Variants in RIF1 observed in about 807,000 individuals in gnomAD.
The protein encoded by RIF1 is replication timing regulatory factor 1.
Under a neutral mutation model 247.1 loss-of-function variants are expected in RIF1, and 45 were observed. The observed-to-expected ratio is 0.18, with a 90% CI of 0.14 to 0.23. The LOEUF is 0.23. RIF1 is among the 10% of genes least tolerant of loss of function. The probability of loss-of-function intolerance (pLI) is 1.00; values close to 1 mark genes in which losing one functional copy is unlikely to be tolerated. For synonymous variants in RIF1, 1,087 were observed against 978.8 expected (o/e 1.11, Z -2.06); for missense variants, 2,967 against 2,862.5 (o/e 1.04, Z -0.83).
chr2:151,514,928 T>C, the RIF1 span: 1 of 1,543,194 alleles, frequency 6.5e-7, no homozygotes. Context: ...CTATATTCTT[T>C]CTAATGTAAG....
rs201122966 is a variant in RIF1, at chr2:151,464,732, A to G, written c.5212A>G (p.Lys1738Glu). 41 of 1,613,572 alleles carry G rather than the reference A, an allele frequency of 2.5e-5. No individual in the cohort carries two copies. Among genetic ancestry groups the G allele is most frequent in the Non-Finnish European group, 5.9e-6 (7 of 1,179,822 alleles). The change falls in exon 30 of 36, where the codon AAA (lysine) becomes GAA (glutamate). Residue 1738 changes from lysine (K) to glutamate (E), a missense_variant. Lys to Glu is a moderately conservative substitution (Grantham distance 56). Coordinates refer to ENST00000444746, the MANE Select transcript of RIF1 (RefSeq NM_018151.5). ...TAAAGGTTGTGATTGCTGTGGGGAA[A>G]AATCACAACCTCAGGAAAAGTCACT... The part of the protein sequence containing the change: ...RSKGCDCCGE[K>E]SQPQEKSLIG...
At position 151,464,560 on chromosome 2, in the gene RIF1, T is replaced by C. The variant is rs955537825; in HGVS notation, c.5040T>C (p.Ile1680=). ...PESNLRTRNA[I]KRLHKRDSFD... is the part of the protein sequence containing the mutation. ...CAAATCTAAGGACTAGAAATGCCAT[T>C]AAGAGATTACATAAGCGAGACTCTT... The change falls in exon 30 of 36, where the codon ATT becomes ATC. Residue 1680 remains isoleucine (I), a synonymous_variant. Coordinates refer to ENST00000444746, the MANE Select transcript of RIF1 (RefSeq NM_018151.5). 1 of 1,613,036 alleles carries C rather than the reference T, an allele frequency of 6.2e-7. No individual in the cohort carries two copies. The highest frequency in any genetic ancestry group is 1.3e-5 in the African/African-American group (1 of 74,984).
At chr2:151,531,316 T>C in the RIF1 span, among the ~76,000 whole-genome samples, 2 of 133,996 alleles carry the variant, frequency 1.5e-5, no homozygotes, top group Admixed American at 1.5e-4. Flanking sequence ...TTCTTTTTTT[T>C]TTTTTTTTTT....
intron 14 of RIF1, among the ~76,000 whole-genome samples, chr2:151,439,476 C>T (rs144287580): frequency 0.021 from 3,146 of 151,888 alleles, 109 homozygotes; most frequent in African/African-American, 0.072. Flanking sequence ...ACCCGTCTGA[C>T]CAACATGGAG....
chr2:151,415,114 G>A (rs1392648176), intron 4 of RIF1, among the ~76,000 whole-genome samples, 195 bp downstream of exon 4: 6 of 151,988 alleles, frequency 3.9e-5, no homozygotes, highest in African/African-American at 1.2e-4. Context: ...TTGGGAGGCC[G>A]AGGCGGGTGG....
At chr2:151,494,746 T>C (rs975641634) in intron 9 of RIF1, among the ~76,000 whole-genome samples, 1 of 152,210 alleles carries the variant, frequency 6.6e-6, no homozygotes, top group East Asian at 1.9e-4. Flanking sequence ...CCTCCCGGGT[T>C]CAAGTGATTC....
At chr2:151,451,066 G>A (rs1238495252) in intron 20 of RIF1, among the ~76,000 whole-genome samples, 2 of 152,166 alleles carry the variant, frequency 1.3e-5, no homozygotes, top group Non-Finnish European at 2.9e-5. Flanking sequence ...TTGAGGAAGA[G>A]AAAGTACAGT....
the RIF1 span, among the ~76,000 whole-genome samples, chr2:151,529,759 C>G: frequency 2.0e-5 from 3 of 152,120 alleles, no homozygotes; most frequent in Admixed American, 1.3e-4. Context: ...GAACTCGTGA[C>G]CTCAGGTGAT....
chr2:151,533,480 T>C, the RIF1 span: 1 of 1,551,506 alleles, frequency 6.4e-7, no homozygotes, highest in Non-Finnish European at 8.7e-7. Flanking sequence ...GCAGTCAACA[T>C]ATCTGGACGC....
intron 9 of RIF1, among the ~76,000 whole-genome samples, chr2:151,489,560 C>G (rs1198586268): frequency 6.6e-6 from 1 of 152,088 alleles, no homozygotes; most frequent in East Asian, 1.9e-4. Flanking sequence ...CCACACCTGG[C>G]TAATTTTTTG....
chr2:151,469,069 G>T (rs1045669852), intron 33 of RIF1, among the ~76,000 whole-genome samples: 2 of 152,068 alleles, frequency 1.3e-5, no homozygotes, highest in African/African-American at 4.8e-5. Context: ...AGTTTACAAA[G>T]ATTACCAGCA....
chr2:151,417,739 G>T, intron 6 of RIF1, among the ~76,000 whole-genome samples: 1 of 152,138 alleles, frequency 6.6e-6, no homozygotes, highest in Non-Finnish European at 1.5e-5. Context: ...TGCAAATACA[G>T]TCATGTGTCA....
chr2:151,489,972 CCAG>C (rs2054877375), intron 9 of RIF1: 1 of 1,581,024 alleles, frequency 6.3e-7, no homozygotes, highest in Non-Finnish European at 8.7e-7. Flanking sequence ...TTCACTTACT[CCAG>C]CAGTAGATGG....
chr2:151,416,788 T>A lies in RIF1; in HGVS notation c.409-19T>A. ...AGTTCAGGCTTATTTCATTTGTATTTATTTGGTTCGTTTTTTAGGTATCCA... is the reference window on the plus strand; with the variant it reads ...AGTTCAGGCTTATTTCATTTGTATTAATTTGGTTCGTTTTTTAGGTATCCA... On this transcript the variant is annotated intron_variant, in intron 5 of 35. Coordinates refer to ENST00000444746, the MANE Select transcript of RIF1 (RefSeq NM_018151.5). The A allele has an allele frequency of 6.2e-7, 1 of 1,603,734 alleles. No individual in the cohort carries two copies. The highest frequency in any genetic ancestry group is 8.5e-7 in the Non-Finnish European group (1 of 1,175,008).
chr2:151,533,565 G>A, the RIF1 span: 35 of 1,482,272 alleles, frequency 2.4e-5, no homozygotes, highest in East Asian at 7.4e-4. Flanking sequence ...GCAAAGAGCA[G>A]TGAAGCACAA....
intron 10 of RIF1, among the ~76,000 whole-genome samples, chr2:151,498,970 T>A (rs1240484780): frequency 6.6e-6 from 1 of 152,126 alleles, no homozygotes; most frequent in Non-Finnish European, 1.5e-5. Context: ...AGGATAATAG[T>A]CGGATCTTTG....
At chr2:151,472,173 T>C (rs1441726867) in intron 34 of RIF1, among the ~76,000 whole-genome samples, 1 of 152,208 alleles carries the variant, frequency 6.6e-6, no homozygotes, top group Non-Finnish European at 1.5e-5. Context: ...TCTCTGTTTG[T>C]CTGTTATTGA....
In RIF1 at chr2:151,409,940, G is replaced by T. The variant is rs1051648840; in HGVS notation, c.-104G>T. On this transcript the variant is annotated 5_prime_UTR_variant, in exon 1 of 36. Coordinates refer to ENST00000444746, the MANE Select transcript of RIF1 (RefSeq NM_018151.5). ...GTCTAGGAGGGAGCGCGCCGCACGC[G>T]TGAGTAAACAGCCGGAGCTGGGAAA... 2 of 701,140 alleles carry T rather than the reference G, an allele frequency of 2.9e-6. No individual in the cohort carries two copies. The highest frequency in any genetic ancestry group is 2.7e-5 in the East Asian group (1 of 37,212). The allele number at this position is 701,140 out of a possible 1,614,324, so 43.4% of individuals were successfully genotyped here. A position where few individuals can be genotyped will look rare whatever the true frequency, so the allele number is the denominator to read the frequency against.
At chr2:151,451,985 T>G (rs1470733436) in intron 21 of RIF1, among the ~76,000 whole-genome samples, 1 of 152,238 alleles carries the variant, frequency 6.6e-6, no homozygotes, top group African/African-American at 2.4e-5. Context: ...AGAGATTGCC[T>G]AATAGTACAA....
Sources: gnomAD v4.1 joint callset for allele counts (sites outside exome capture counted in the v4.1 genomes callset) on GRCh38, gnomAD v4.1.1 for gene constraint, MANE v1.5 for transcripts, NCBI Gene and HGNC (gene_info 2026-07-23, HGNC 2026-07-21) for gene names.